CRY1: variants seen among roughly 807,000 people sequenced by gnomAD.
CRY1 encodes the protein cryptochrome-1.
A neutral mutation model predicts 76.0 loss-of-function variants in CRY1; 45 were observed. That is an observed-to-expected ratio of 0.59 (90% CI 0.47 to 0.76). The LOEUF (loss-of-function observed/expected upper bound fraction) is 0.76. Ranked by LOEUF, CRY1 falls within the 30% of genes least tolerant of loss-of-function variation. The pLI is 0.00. For synonymous variants in CRY1, 248 were observed against 244.0 expected, an observed-to-expected ratio of 1.02 and a Z score of -0.15; for missense variants, 587 against 716.4, an observed-to-expected ratio of 0.82 and a Z score of 2.06.
At chr12:107,041,299 T>C (rs771221830) in intron 1 of CRY1, among the ~76,000 whole-genome samples, 2 of 152,224 alleles carry the variant, frequency 1.3e-5, no homozygotes, top group African/African-American at 2.4e-5. Flanking sequence ...CATTGTATCA[T>C]TGATGTCCCC....
At chr12:106,996,152 T>TG (rs1205766776) in intron 10 of CRY1, among the ~76,000 whole-genome samples, 6 of 152,144 alleles carry the variant, frequency 3.9e-5, no homozygotes, top group South Asian at 2.1e-4. Flanking sequence ...GGCCCCAGTA[T>TG]GTGTTGTTCT....
chr12:107,054,351 T>C (rs1308614960), intron 1 of CRY1, among the ~76,000 whole-genome samples: 1 of 151,632 alleles, frequency 6.6e-6, no homozygotes. Flanking sequence ...GCTAAAATAA[T>C]GTGTAATTAT....
At chr12:107,006,962 T>C (rs916206817) in intron 2 of CRY1, among the ~76,000 whole-genome samples, 1 of 152,120 alleles carries the variant, frequency 6.6e-6, no homozygotes, top group Non-Finnish European at 1.5e-5. Flanking sequence ...TTTTTAAATG[T>C]CTGCTAAACT....
intron 3 of CRY1, among the ~76,000 whole-genome samples, chr12:107,004,327 AGTTT>A (rs1952346147): frequency 6.6e-6 from 1 of 152,224 alleles, no homozygotes; most frequent in Non-Finnish European, 1.5e-5. Context: ...CAAATCAACT[AGTTT>A]GTCATGTTAC....
intron 1 of CRY1, among the ~76,000 whole-genome samples, chr12:107,040,744 T>G (rs751251112): frequency 6.6e-6 from 1 of 151,948 alleles, no homozygotes; most frequent in African/African-American, 2.4e-5. Context: ...ATAGGAACAA[T>G]CAAACCAAAA....
chr12:107,019,171 G>T (rs1048035245), intron 2 of CRY1, among the ~76,000 whole-genome samples: 1 of 152,104 alleles, frequency 6.6e-6, no homozygotes, highest in Non-Finnish European at 1.5e-5. Context: ...GATGGTTAGG[G>T]TGAAGGTGGG....
At chr12:107,033,379 T>C (rs1265251879) in intron 1 of CRY1, among the ~76,000 whole-genome samples, 5 of 152,142 alleles carry the variant, frequency 3.3e-5, no homozygotes, top group Admixed American at 6.5e-5. Context: ...ATAAAAAGGA[T>C]AGACAGAAAA....
chr12:107,078,019 T>G (rs1041059163), intron 1 of CRY1, among the ~76,000 whole-genome samples: 3 of 152,178 alleles, frequency 2.0e-5, no homozygotes, highest in African/African-American at 7.2e-5. Context: ...ATTTACGTAA[T>G]TCATTGATTA....
intron 1 of CRY1, among the ~76,000 whole-genome samples, chr12:107,037,053 C>G (rs1361152636): frequency 6.6e-6 from 1 of 152,080 alleles, no homozygotes; most frequent in Non-Finnish European, 1.5e-5. Flanking sequence ...CTCTTTTATT[C>G]ACTACATTCA....
At chr12:107,042,091 A>G (rs539059715) in intron 1 of CRY1, among the ~76,000 whole-genome samples, 9 of 152,080 alleles carry the variant, frequency 5.9e-5, no homozygotes, top group African/African-American at 2.2e-4. Context: ...CCCAAAGAGT[A>G]AAAAAAATAT....
At chr12:107,053,986 G>C (rs951056093) in intron 1 of CRY1, among the ~76,000 whole-genome samples, 5 of 152,046 alleles carry the variant, frequency 3.3e-5, no homozygotes, top group African/African-American at 1.2e-4. Flanking sequence ...AAACCTAAGA[G>C]AGTTTACCAT....
intron 2 of CRY1, among the ~76,000 whole-genome samples, chr12:107,009,735 C>A (rs1283792677): frequency 6.6e-6 from 1 of 150,856 alleles, no homozygotes; most frequent in East Asian, 1.9e-4. Flanking sequence ...TATAATGAGA[C>A]CACATAGTGT....
At chr12:107,005,082 A>G in intron 3 of CRY1, 24 bp downstream of exon 3, 1 of 1,571,260 alleles carries the variant, frequency 6.4e-7, no homozygotes, top group Non-Finnish European at 8.7e-7. Context: ...ATTTTCCCAC[A>G]GTAAAAAAAA....
At position 107,067,124 on chromosome 12, in the gene CRY1, T is replaced by C. The variant is rs557888828; in HGVS notation, c.158+25680A>G. On this transcript the variant is annotated intron_variant, in intron 1 of 12. Transcript: ENST00000008527. ...AGTCTACAGAAGTGTTTGCAAACTA[T>C]GGCCCATGGGACAAATCTGACCTGT... Among the ~76,000 whole-genome samples, 165 of 152,284 alleles carry C rather than the reference T, an allele frequency of 1.1e-3. 1 individual carries two copies. The highest frequency in any genetic ancestry group is 3.7e-3 in the African/African-American group (154 of 41,564).
At chr12:107,025,785 C>G (rs1952601510) in intron 1 of CRY1, among the ~76,000 whole-genome samples, 1 of 151,930 alleles carries the variant, frequency 6.6e-6, no homozygotes, top group Non-Finnish European at 1.5e-5. Flanking sequence ...GACTCATTCC[C>G]TATACAATAC....
Position 107,020,823 on chromosome 12 carries a change from G to A in CRY1, c.267+1261C>T, listed in dbSNP as rs141164158. Among the ~76,000 whole-genome samples the A allele has an allele frequency of 1.2e-3, 177 of 152,318 alleles. 2 individuals are homozygous for A. Among genetic ancestry groups the A allele is most frequent in the African/African-American group, 4.2e-3 (173 of 41,588 alleles). Reference sequence around the variant, plus strand: ...AAGGGATGAATACAAAAAGGGCAATGAGGAAACTCAGTTTCTGGTCTGGGC... The same window carrying A: ...AAGGGATGAATACAAAAAGGGCAATAAGGAAACTCAGTTTCTGGTCTGGGC... On this transcript the variant is annotated intron_variant, in intron 2 of 12. Transcript: ENST00000008527.
chr12:107,038,032 ACT>A (rs936482568), intron 1 of CRY1, among the ~76,000 whole-genome samples: 2 of 152,192 alleles, frequency 1.3e-5, no homozygotes, highest in African/African-American at 4.8e-5. Context: ...TAAAAGGATC[ACT>A]TGGGCTGCTG....
At chr12:107,055,509 T>G (rs771166689) in intron 1 of CRY1, among the ~76,000 whole-genome samples, 1 of 152,126 alleles carries the variant, frequency 6.6e-6, no homozygotes, top group East Asian at 1.9e-4. Context: ...ATAGGCTAAA[T>G]AGGGTATTCA....
chr12:107,044,230 T>C (rs1434507328), intron 1 of CRY1, among the ~76,000 whole-genome samples: 1 of 152,210 alleles, frequency 6.6e-6, no homozygotes, highest in Non-Finnish European at 1.5e-5. Flanking sequence ...TTGTAGGTTG[T>C]GTCAGACCTG....
Sources: allele counts gnomAD v4.1 joint callset (sites outside exome capture counted in the v4.1 genomes callset), GRCh38; gene constraint gnomAD v4.1.1; transcripts MANE v1.5; gene names NCBI Gene and HGNC (gene_info 2026-07-23, HGNC 2026-07-21).